The following UNC5D variants were observed in gnomAD, a reference collection of about 807,000 sequenced individuals.
UNC5D encodes the protein unc-5 netrin receptor D.
In UNC5D, 39 loss-of-function variants were observed where a neutral mutation model predicts 105.4. That is an observed-to-expected ratio of 0.37 (90% CI 0.29 to 0.48). The LOEUF (loss-of-function observed/expected upper bound fraction) is 0.48, where lower values mean the gene tolerates loss of function less well. Among genes scored for constraint, UNC5D ranks in the 20% least tolerant of loss-of-function variants. The pLI is 0.98. For synonymous variants in UNC5D, 452 were observed against 450.4 expected, an observed-to-expected ratio of 1.00 and a Z score of -0.04; for missense variants, 991 against 1,202.4, an observed-to-expected ratio of 0.82 and a Z score of 2.60.
intron 11 of UNC5D, among the ~76,000 whole-genome samples, chr8:35,734,226 G>A (rs1829338169): frequency 6.6e-6 from 1 of 151,156 alleles, no homozygotes; most frequent in African/African-American, 2.4e-5. Context: ...TCAGCCCTGG[G>A]GCTCCTCCTG....
At chr8:35,261,826 T>C (rs538910165) in intron 1 of UNC5D, among the ~76,000 whole-genome samples, 1 of 152,290 alleles carries the variant, frequency 6.6e-6, no homozygotes, top group Admixed American at 6.5e-5. Context: ...GTTGTGTTAG[T>C]AGGTTTGGGA....
intron 1 of UNC5D, among the ~76,000 whole-genome samples, chr8:35,322,290 A>C (rs1392673298): frequency 6.6e-6 from 1 of 151,326 alleles, no homozygotes; most frequent in Non-Finnish European, 1.5e-5. Flanking sequence ...CATGGTTCTT[A>C]TTCCTTCCTT....
intron 4 of UNC5D, among the ~76,000 whole-genome samples, chr8:35,614,756 C>T (rs1820909389): frequency 6.6e-6 from 1 of 152,044 alleles, no homozygotes; most frequent in Non-Finnish European, 1.5e-5. Flanking sequence ...TTAAATAAGT[C>T]CTATTAATTG....
At position 35,688,115 on chromosome 8, in the gene UNC5D, G is replaced by A. The variant is rs953540092; in HGVS notation, c.1084+1406G>A. ...CCACTGCACTCCAGCCTGGGTGACA[G>A]AGCGAGACTCCGCCTCAAAAACAAA... On this transcript the variant is annotated intron_variant, in intron 7 of 16. Coordinates refer to ENST00000404895, the MANE Select transcript of UNC5D (RefSeq NM_080872.4). Among the ~76,000 whole-genome samples, 28 of 151,472 alleles carry A rather than the reference G, an allele frequency of 1.8e-4. 1 individual carries two copies. The highest frequency in any genetic ancestry group is 2.4e-5 in the African/African-American group (1 of 41,116).
chr8:35,447,221 A>G (rs1313940496), intron 1 of UNC5D, among the ~76,000 whole-genome samples: 1 of 152,146 alleles, frequency 6.6e-6, no homozygotes, highest in African/African-American at 2.4e-5. Context: ...TTGTAGATGT[A>G]CAATCTAGTA....
intron 1 of UNC5D, among the ~76,000 whole-genome samples, chr8:35,330,343 C>G (rs1355686871): frequency 6.6e-6 from 1 of 152,196 alleles, no homozygotes; most frequent in Non-Finnish European, 1.5e-5. Flanking sequence ...TTAGCTCTTG[C>G]TACCTTTTGT....
At chr8:35,270,215 C>T (rs755887565) in intron 1 of UNC5D, among the ~76,000 whole-genome samples, 5 of 152,244 alleles carry the variant, frequency 3.3e-5, no homozygotes, top group African/African-American at 4.8e-5. Context: ...CATTTTTAAA[C>T]GGTCACCTAG....
rs755029388 is a variant in UNC5D, at chr8:35,731,052, G to A, written c.1722G>A (p.Glu574=). 1.4e-5 allele frequency: 22 copies of A among 1,613,834 alleles called. No homozygotes were observed. The East Asian group carries it at 3.6e-4, about 26-fold the overall frequency. Residue 574 remains glutamate (E), a synonymous_variant, in exon 11 of 17, where the codon GAG becomes GAA. Coordinates refer to ENST00000404895, the MANE Select transcript of UNC5D (RefSeq NM_080872.4). ...TACCACACGGTGCCATCCCAGAGGAGAATTCTTGGGAGATTTATATGTCCA... is the reference window on the plus strand; with the variant it reads ...TACCACACGGTGCCATCCCAGAGGAAAATTCTTGGGAGATTTATATGTCCA... ...LLIPHGAIPE[E]NSWEIYMSIN...
At position 35,793,177 on chromosome 8, in the gene UNC5D, T is replaced by G; in HGVS notation, c.*2614T>G. 1 of 456,252 alleles carries G rather than the reference T, an allele frequency of 2.2e-6. No individual in the cohort carries two copies. Among genetic ancestry groups the G allele is most frequent in the Non-Finnish European group, 4.4e-6 (1 of 226,758 alleles). 28.3% of individuals were successfully genotyped at this position (456,252 alleles called of 1,614,324 possible). On this transcript the variant is annotated 3_prime_UTR_variant, in exon 17 of 17. Coordinates refer to ENST00000404895, the MANE Select transcript of UNC5D (RefSeq NM_080872.4). ...GGATTTCTATAGAAATGTATGAAATTCTGTGGTCACTGCATGTCAGGATTG... is the reference window on the plus strand; with the variant it reads ...GGATTTCTATAGAAATGTATGAAATGCTGTGGTCACTGCATGTCAGGATTG...
At chr8:35,380,939 G>A (rs544566196) in intron 1 of UNC5D, among the ~76,000 whole-genome samples, 26 of 148,072 alleles carry the variant, frequency 1.8e-4, no homozygotes, top group African/African-American at 5.6e-4. Context: ...AAGGCTCTAA[G>A]TATTACCTTC....
chr8:35,479,318 A>G (rs775663128), intron 1 of UNC5D, among the ~76,000 whole-genome samples: 9 of 152,162 alleles, frequency 5.9e-5, no homozygotes, highest in Non-Finnish European at 1.3e-4. Flanking sequence ...CCTGATCTCC[A>G]TATCTGATTA....
chr8:35,309,118 T>G (rs1002370119), intron 1 of UNC5D, among the ~76,000 whole-genome samples: 2 of 152,186 alleles, frequency 1.3e-5, no homozygotes, highest in African/African-American at 2.4e-5. Context: ...TTCTTCCTCA[T>G]GAACAATTCT....
At chr8:35,359,560 A>G (rs573772942) in intron 1 of UNC5D, among the ~76,000 whole-genome samples, 1 of 152,306 alleles carries the variant, frequency 6.6e-6, no homozygotes, top group African/African-American at 2.4e-5. Context: ...CCTGATTACT[A>G]AAGTTTCCAC....
intron 1 of UNC5D, among the ~76,000 whole-genome samples, chr8:35,452,223 G>A (rs1455450957): frequency 1.3e-5 from 2 of 152,034 alleles, no homozygotes; most frequent in Admixed American, 6.6e-5. Context: ...GTTTGTACAC[G>A]TGTATGTGTG....
intron 12 of UNC5D, 42 bp from the exon 13 acceptor site, chr8:35,750,540 T>A: frequency 6.3e-7 from 1 of 1,589,490 alleles, no homozygotes; most frequent in South Asian, 1.1e-5. Flanking sequence ...TTAGATCACA[T>A]CTTATTTCCA....
chr8:35,421,583 A>G (rs1234380473), intron 1 of UNC5D, among the ~76,000 whole-genome samples: 1 of 152,186 alleles, frequency 6.6e-6, no homozygotes, highest in African/African-American at 2.4e-5. Flanking sequence ...AACTAGTTTT[A>G]TAATGTAAAC....
Position 35,737,300 on chromosome 8 carries a change from G to GTGTGTGTT in UNC5D, c.1766+6205_1766+6206insGTGTGTTT, listed in dbSNP as rs57002738. 8.0e-3 allele frequency among the ~76,000 whole-genome samples: 1,047 copies of GTGTGTGTT among 130,134 alleles called. 21 individuals are homozygous for GTGTGTGTT. Among genetic ancestry groups the GTGTGTGTT allele is most frequent in the African/African-American group, 0.029 (883 of 30,860 alleles). 85.4% of individuals were successfully genotyped at this position (130,134 alleles called of 152,430 possible). A position where few individuals can be genotyped will look rare whatever the true frequency, so the allele number is the denominator to read the frequency against. On this transcript the variant is annotated intron_variant, in intron 11 of 16. Coordinates refer to ENST00000404895, the MANE Select transcript of UNC5D (RefSeq NM_080872.4). Reference sequence around the variant, plus strand: ...TGTGTGTGTGTGTGTGTGTGTGTGTGTTAATGTGTGATGAAGGAATTGAAG... The same window carrying GTGTGTGTT: ...TGTGTGTGTGTGTGTGTGTGTGTGTGTGTGTGTTTTAATGTGTGATGAAGGAATTGAAG...
At chr8:35,545,527 A>G (rs1815594970) in intron 1 of UNC5D, among the ~76,000 whole-genome samples, 1 of 152,080 alleles carries the variant, frequency 6.6e-6, no homozygotes, top group Admixed American at 6.5e-5. Context: ...GCAGCCACCT[A>G]CTGGGCAGGG....
chr8:35,441,932 T>C (rs1807431378), intron 1 of UNC5D, among the ~76,000 whole-genome samples: 1 of 151,894 alleles, frequency 6.6e-6, no homozygotes, highest in African/African-American at 2.4e-5. Context: ...AATAGAATTC[T>C]GATTCCAGGA....
Sources: allele counts gnomAD v4.1 joint callset (sites outside exome capture counted in the v4.1 genomes callset), GRCh38; gene constraint gnomAD v4.1.1; transcripts MANE v1.5; gene names NCBI Gene and HGNC (gene_info 2026-07-23, HGNC 2026-07-21).